The following MAF variants were observed in gnomAD, a reference collection of about 807,000 sequenced individuals.
The protein encoded by MAF is MAF bZIP transcription factor.
MAF carries 10 observed loss-of-function variants against 22.0 expected under a neutral mutation model. That is an observed-to-expected ratio of 0.45 (90% confidence interval 0.28 to 0.77). The LOEUF is 0.77. Ranked by LOEUF, MAF falls within the 30% of genes least tolerant of loss-of-function variation. The probability of loss-of-function intolerance (pLI) is 0.12; values close to 1 mark genes in which losing one functional copy is unlikely to be tolerated. For synonymous variants in MAF, 337 were observed against 255.8 expected, an observed-to-expected ratio of 1.32 and a Z score of -3.03; for missense variants, 544 against 548.4, an observed-to-expected ratio of 0.99 and a Z score of 0.08.
At chr16:79,231,641 A>G in the MAF span, among the ~76,000 whole-genome samples, 25 of 152,090 alleles carry the variant, frequency 1.6e-4, no homozygotes, top group African/African-American at 5.3e-4. Flanking sequence ...GAAAGCAGGA[A>G]AGAATTACAA....
the MAF span, chr16:79,211,598 G>A: frequency 1.9e-6 from 3 of 1,614,122 alleles, no homozygotes; most frequent in South Asian, 1.1e-5. Flanking sequence ...CTTTCTTCTT[G>A]GATTTCCAGC....
chr16:79,326,415 G>T, the MAF span, among the ~76,000 whole-genome samples: 1 of 152,096 alleles, frequency 6.6e-6, no homozygotes, highest in African/African-American at 2.4e-5. Flanking sequence ...ATCCCAAATT[G>T]CAGCATTTAA....
chr16:79,548,794 G>C, the MAF span, among the ~76,000 whole-genome samples: 1 of 152,142 alleles, frequency 6.6e-6, no homozygotes, highest in African/African-American at 2.4e-5. Context: ...AAAAGACCCT[G>C]AGTCCCAGAG....
chr16:79,227,998 C>A, the MAF span, among the ~76,000 whole-genome samples: 3 of 152,046 alleles, frequency 2.0e-5, no homozygotes, highest in African/African-American at 7.2e-5. Flanking sequence ...TGAACTCCTG[C>A]GCTCAAGCGA....
At chr16:79,211,213 G>T in the MAF span, among the ~76,000 whole-genome samples, 3 of 152,146 alleles carry the variant, frequency 2.0e-5, no homozygotes, top group Non-Finnish European at 4.4e-5. Context: ...TTCTACAAAC[G>T]ATTTGGTATC....
chr16:79,319,230 C>G, the MAF span, among the ~76,000 whole-genome samples: 5 of 152,104 alleles, frequency 3.3e-5, no homozygotes, highest in African/African-American at 9.7e-5. Context: ...CAGGTTGAAG[C>G]CCAGCCAATT....
the MAF span, among the ~76,000 whole-genome samples, chr16:79,407,812 T>G: frequency 6.2e-4 from 94 of 152,236 alleles, no homozygotes; most frequent in Admixed American, 1.2e-3. Flanking sequence ...GAAGCCAGGT[T>G]GCTCGCGGCT....
chr16:79,373,664 C>T, the MAF span, among the ~76,000 whole-genome samples: 17 of 151,968 alleles, frequency 1.1e-4, no homozygotes, highest in African/African-American at 4.1e-4. Context: ...AGGTGTGAGC[C>T]ACCGCATCCA....
At chr16:79,544,413 G>A in the MAF span, among the ~76,000 whole-genome samples, 3 of 152,122 alleles carry the variant, frequency 2.0e-5, no homozygotes, top group East Asian at 1.9e-4. Flanking sequence ...TAGAGATGGA[G>A]GTATTTTGAG....
chr16:79,227,109 A>G, the MAF span, among the ~76,000 whole-genome samples: 1 of 152,116 alleles, frequency 6.6e-6, no homozygotes, highest in Non-Finnish European at 1.5e-5. Flanking sequence ...AGGCTAAGGC[A>G]GCAGGATCCT....
the MAF span, among the ~76,000 whole-genome samples, chr16:79,454,803 T>G: frequency 1.3e-5 from 2 of 149,788 alleles, no homozygotes; most frequent in African/African-American, 2.5e-5. Flanking sequence ...ACCCCATAGC[T>G]GTGATCTGAA....
chr16:79,568,279 C>T, the MAF span, among the ~76,000 whole-genome samples: 2 of 152,158 alleles, frequency 1.3e-5, no homozygotes, highest in Non-Finnish European at 2.9e-5. Flanking sequence ...CCCTAATGGT[C>T]CCTGGTGTCT....
the MAF span, among the ~76,000 whole-genome samples, chr16:79,455,638 A>T: frequency 1.3e-5 from 2 of 152,222 alleles, no homozygotes; most frequent in African/African-American, 4.8e-5. Context: ...CATAATCAAG[A>T]TATGTCAGAT....
chr16:79,269,825 C>T, the MAF span, among the ~76,000 whole-genome samples: 1 of 152,212 alleles, frequency 6.6e-6, no homozygotes, highest in South Asian at 2.1e-4. Context: ...CTCCACGGAC[C>T]TACTTTCTAT....
the MAF span, among the ~76,000 whole-genome samples, chr16:79,244,460 T>C: frequency 2.0e-5 from 3 of 152,018 alleles, no homozygotes; most frequent in East Asian, 5.8e-4. Context: ...TGAACTCCCA[T>C]TCACAATTAT....
chr16:79,324,363 C>G, the MAF span, among the ~76,000 whole-genome samples: 1 of 152,048 alleles, frequency 6.6e-6, no homozygotes. Context: ...GGATTGAAAA[C>G]ACAATATTTA....
chr16:79,448,407 T>C, the MAF span, among the ~76,000 whole-genome samples: 1 of 151,408 alleles, frequency 6.6e-6, no homozygotes, highest in South Asian at 2.1e-4. Context: ...CAATGAAGCA[T>C]TTTTGTTTTG....
At chr16:79,310,399 G>A in the MAF span, among the ~76,000 whole-genome samples, 4 of 152,284 alleles carry the variant, frequency 2.6e-5, no homozygotes, top group Non-Finnish European at 5.9e-5. Context: ...GAGAGAGACA[G>A]ACAGAGAGAG....
At chr16:79,550,480 G>A in the MAF span, among the ~76,000 whole-genome samples, 1 of 152,212 alleles carries the variant, frequency 6.6e-6, no homozygotes, top group East Asian at 1.9e-4. Flanking sequence ...AGTAAAACCT[G>A]CGAAACCTCA....
Sources: gnomAD v4.1 joint callset for allele counts (sites outside exome capture counted in the v4.1 genomes callset) on GRCh38, gnomAD v4.1.1 for gene constraint, MANE v1.5 for transcripts, NCBI Gene and HGNC (gene_info 2026-07-23, HGNC 2026-07-21) for gene names.